Variants in PDE2A observed in about 807,000 individuals in gnomAD.
The protein encoded by PDE2A is phosphodiesterase 2A.
A neutral mutation model predicts 133.6 loss-of-function variants in PDE2A; 53 were observed. The ratio of observed to expected loss-of-function variants is 0.40; its 90% CI spans 0.32 to 0.50. The LOEUF (loss-of-function observed/expected upper bound fraction) is 0.50, where lower values mean the gene tolerates loss of function less well. Ranked by LOEUF, PDE2A falls within the 20% of genes least tolerant of loss-of-function variation. The pLI is 0.73. For synonymous variants in PDE2A, 491 were observed against 490.2 expected (o/e 1.00, Z -0.02); for missense variants, 796 against 1,232.4 (o/e 0.65, Z 5.30).
intron 2 of PDE2A, among the ~76,000 whole-genome samples, chr11:72,622,625 C>T (rs56844809): frequency 0.014 from 2,064 of 152,270 alleles, 54 homozygotes; most frequent in African/African-American, 0.048. Context: ...ATTCCAATTA[C>T]TTGAGGTATC....
At chr11:72,579,180 T>A in intron 27 of PDE2A, 104 bp downstream of exon 27, 1 of 993,246 alleles carries the variant, frequency 1.0e-6, no homozygotes. Flanking sequence ...AGAGAAGGGT[T>A]GATGTTGCAG....
chr11:72,665,256 C>A (rs1294506427), intron 1 of PDE2A, among the ~76,000 whole-genome samples: 2 of 152,068 alleles, frequency 1.3e-5, no homozygotes, highest in Non-Finnish European at 2.9e-5. Context: ...ATGTTTGAGC[C>A]CCACAACCAT....
At chr11:72,666,749 C>T (rs116169559) in intron 1 of PDE2A, among the ~76,000 whole-genome samples, 3,133 of 152,286 alleles carry the variant, frequency 0.021, 91 homozygotes, top group African/African-American at 0.072. Context: ...ACTCTACATA[C>T]ATGTACACAC....
intron 18 of PDE2A, 31 bp from the exon 19 acceptor site, chr11:72,584,344 G>C: frequency 7.0e-7 from 1 of 1,424,472 alleles, no homozygotes; most frequent in Non-Finnish European, 9.9e-7. Flanking sequence ...AGGAACCACC[G>C]GTGGAGGGAG....
At chr11:72,588,757 G>A (rs1856094872) in intron 13 of PDE2A, 27 bp downstream of exon 13, 1 of 1,574,948 alleles carries the variant, frequency 6.3e-7, no homozygotes, top group Non-Finnish European at 8.7e-7. Context: ...GACATCTCCT[G>A]ATCTGCATCA....
In PDE2A at chr11:72,585,545, T is replaced by A. The variant is rs771965037; in HGVS notation, c.1222+9A>T. On this transcript the variant is annotated intron_variant, in intron 15 of 30. Transcript: ENST00000334456. ...ACACACAGCCAGGCAGAGAGAACAG[T>A]GCACTCACCCAGGTGGGTGAAGAGG... The A allele has an allele frequency of 1.2e-6, 2 of 1,613,810 alleles. No individual in the cohort carries two copies. Among genetic ancestry groups the A allele is most frequent in the African/African-American group, 2.7e-5 (2 of 75,032 alleles).
intron 2 of PDE2A, among the ~76,000 whole-genome samples, chr11:72,609,063 C>G (rs938002292): frequency 2.0e-5 from 3 of 152,206 alleles, no homozygotes; most frequent in Admixed American, 6.5e-5. Flanking sequence ...GAGGACAATT[C>G]TGGCACAGTA....
At chr11:72,596,708 G>T in intron 5 of PDE2A, 60 bp from the exon 6 acceptor site, 1 of 1,152,062 alleles carries the variant, frequency 8.7e-7, no homozygotes, top group South Asian at 2.4e-5. Context: ...GAGATACCGA[G>T]CCGGGACCCA....
chr11:72,635,438 C>G (rs1264588112), intron 2 of PDE2A, among the ~76,000 whole-genome samples: 1 of 152,198 alleles, frequency 6.6e-6, no homozygotes, highest in Non-Finnish European at 1.5e-5. Flanking sequence ...ATCAAACCAT[C>G]AAATCCTAGA....
In PDE2A at chr11:72,579,282, A is replaced by G; in HGVS notation, c.2356+2T>C. On this transcript the variant is annotated splice_donor_variant, in intron 27 of 30. Coordinates refer to ENST00000334456, the MANE Select transcript of PDE2A (RefSeq NM_002599.5). LOFTEE classifies it high-confidence loss of function. ...CCAAGGACTGGGGCTAACAGCAGTC[A>G]CCCTCAGCCATCTTCTGGAGGTCCT... 2 of 1,604,032 alleles carry G rather than the reference A, an allele frequency of 1.2e-6. No homozygotes were observed. Among genetic ancestry groups the G allele is most frequent in the Non-Finnish European group, 1.7e-6 (2 of 1,171,156 alleles).
intron 1 of PDE2A, among the ~76,000 whole-genome samples, chr11:72,647,580 C>T (rs570837734): frequency 6.6e-6 from 1 of 152,358 alleles, no homozygotes; most frequent in African/African-American, 2.4e-5. Context: ...GTGACCTGGG[C>T]TAGAGCCCAT....
At chr11:72,628,144 A>G (rs1415530898) in intron 2 of PDE2A, among the ~76,000 whole-genome samples, 1 of 152,214 alleles carries the variant, frequency 6.6e-6, no homozygotes, top group Non-Finnish European at 1.5e-5. Context: ...TCACAGGGGT[A>G]CAGCCTAGTC....
chr11:72,599,866 A>G (rs1856659642), intron 4 of PDE2A, among the ~76,000 whole-genome samples: 1 of 152,232 alleles, frequency 6.6e-6, no homozygotes, highest in African/African-American at 2.4e-5. Context: ...TCGGGAGATG[A>G]GAGCTCTGCC....
At chr11:72,646,620 T>C (rs1245765918) in intron 1 of PDE2A, among the ~76,000 whole-genome samples, 1 of 152,182 alleles carries the variant, frequency 6.6e-6, no homozygotes, top group East Asian at 1.9e-4. Context: ...GGGCTCCCCA[T>C]GGCCTCCAAG....
chr11:72,588,747 G>T (rs955848309), intron 13 of PDE2A, 37 bp downstream of exon 13: 1 of 1,560,384 alleles, frequency 6.4e-7, no homozygotes, highest in South Asian at 1.2e-5. Context: ...GCCTCTCAGT[G>T]ACATCTCCTG....
Position 72,642,528 on chromosome 11 carries a change from C to T in PDE2A, c.72-202G>A, listed in dbSNP as rs1859006181. 6 of 395,308 alleles carry T rather than the reference C, an allele frequency of 1.5e-5. No individual in the cohort carries two copies. In the South Asian group the frequency reaches 5.8e-4, roughly 38 times the overall value. 24.5% of individuals were successfully genotyped at this position (395,308 alleles called of 1,614,324 possible). On this transcript the variant is annotated intron_variant, in intron 1 of 30. Transcript: ENST00000334456. ...GGCCCGCCCCGGCCCCGCCTATGTC[C>T]CCGCCACCGCGGACCGCACCTCTCG...
intron 1 of PDE2A, among the ~76,000 whole-genome samples, chr11:72,665,314 C>T (rs1855202404): frequency 6.6e-6 from 1 of 152,124 alleles, no homozygotes; most frequent in African/African-American, 2.4e-5. Context: ...TGCCTCCCTG[C>T]TCCTTCCTGC....
chr11:72,625,131 G>A (rs1190841368), intron 2 of PDE2A, among the ~76,000 whole-genome samples: 1 of 152,142 alleles, frequency 6.6e-6, no homozygotes, highest in African/African-American at 2.4e-5. Flanking sequence ...GGCCTGTCTG[G>A]GATACACACC....
rs1857361436 is a variant in PDE2A at position 72,614,422 on chromosome 11, GAGGCATC to G, written c.145-5678_145-5672del. Among the ~76,000 whole-genome samples the G allele has an allele frequency of 7.9e-5, 12 of 152,324 alleles. No homozygotes were observed. In the South Asian group the frequency reaches 2.3e-3, roughly 29 times the overall value. On this transcript the variant is annotated intron_variant, in intron 2 of 30. Transcript: ENST00000334456. ...CCAACTGTCAGTGTCATGCTTGAGT[GAGGCATC>G]AGGCTTTGGGGAGGGGAAGGTACCT...
Sources: allele counts gnomAD v4.1 joint callset (sites outside exome capture counted in the v4.1 genomes callset), GRCh38; gene constraint gnomAD v4.1.1; transcripts MANE v1.5; gene names NCBI Gene and HGNC (gene_info 2026-07-23, HGNC 2026-07-21).